Variants in SGCB observed in about 807,000 individuals in gnomAD.
SGCB encodes sarcoglycan beta, also known as beta-sarcoglycan.
A neutral mutation model predicts 27.3 loss-of-function variants in SGCB; 25 were observed. That is an observed-to-expected ratio of 0.92 (90% CI 0.67 to 1.28). The LOEUF is 1.28. SGCB is among the 50% of genes most tolerant of loss of function. The probability of loss-of-function intolerance (pLI) is 0.00; values close to 1 mark genes in which losing one functional copy is unlikely to be tolerated. For missense variants in SGCB, 436 were observed against 402.1 expected, an observed-to-expected ratio of 1.08 and a Z score of -0.72; for synonymous variants, 147 against 133.5, an observed-to-expected ratio of 1.10 and a Z score of -0.70.
intron 5 of SGCB, among the ~76,000 whole-genome samples, chr4:52,027,478 T>C (rs1737129145): frequency 6.6e-6 from 1 of 151,714 alleles, no homozygotes; most frequent in African/African-American, 2.4e-5. Flanking sequence ...TTGTTTTTTT[T>C]CACATCATTG....
chr4:52,030,848 T>C (rs999392345), intron 2 of SGCB, among the ~76,000 whole-genome samples: 4 of 152,176 alleles, frequency 2.6e-5, no homozygotes, highest in African/African-American at 7.2e-5. Flanking sequence ...GAAGTAAAAT[T>C]TTTTGGAAAG....
At chr4:52,037,428 AC>A (rs1184795620) in intron 1 of SGCB, among the ~76,000 whole-genome samples, 1 of 152,208 alleles carries the variant, frequency 6.6e-6, no homozygotes, top group Non-Finnish European at 1.5e-5. Flanking sequence ...TTAGAATGAG[AC>A]TTTTTAAAGA....
At position 52,028,714 on chromosome 4, in the gene SGCB, A is replaced by G. The variant is rs745478592; in HGVS notation, c.621+16T>C. 2 of 1,571,634 alleles carry G rather than the reference A, an allele frequency of 1.3e-6. No individual in the cohort carries two copies. Among genetic ancestry groups the G allele is most frequent in the Admixed American group, 1.7e-5 (1 of 59,958 alleles). On this transcript the variant is annotated intron_variant, in intron 4 of 5. Transcript: ENST00000381431. ...TAATTCTCTCCCATTAGTAAAACAA[A>G]GCCAATAAATCATACCCTTTCAGTA...
intron 5 of SGCB, among the ~76,000 whole-genome samples, chr4:52,025,988 TAAGC>T (rs796935791): frequency 8.5e-5 from 13 of 152,288 alleles, no homozygotes; most frequent in African/African-American, 3.1e-4. Context: ...TGGATAATGT[TAAGC>T]AGGCAGCTAG....
chr4:52,029,053 C>T (rs1002958589), intron 3 of SGCB, 132 bp from the exon 4 acceptor site: 5 of 663,062 alleles, frequency 7.5e-6, no homozygotes, highest in South Asian at 1.8e-5. Context: ...ACTTCAAATA[C>T]GTTTAACTCT....
chr4:52,028,219 G>A, intron 4 of SGCB, 120 bp from the exon 5 acceptor site: 2 of 760,960 alleles, frequency 2.6e-6, no homozygotes, highest in Non-Finnish European at 4.3e-6. Context: ...TTCTATTAAT[G>A]TTTTAGAGAT....
At chr4:52,034,660 T>A (rs1207016420) in intron 1 of SGCB, among the ~76,000 whole-genome samples, 3 of 152,124 alleles carry the variant, frequency 2.0e-5, no homozygotes, top group African/African-American at 7.2e-5. Flanking sequence ...TTTTCATTTA[T>A]ATGAAAATAA....
Position 52,033,295 on chromosome 4 carries a change from T to A in SGCB, c.243+136A>T, listed in dbSNP as rs184077685. Reference sequence around the variant, plus strand: ...GAAAATATTAGCACACTAGTTTTTTTAATAAAGTATTCATTAAAATTCAGT... The same window carrying A: ...GAAAATATTAGCACACTAGTTTTTTAAATAAAGTATTCATTAAAATTCAGT... On this transcript the variant is annotated intron_variant, in intron 2 of 5. Transcript: ENST00000381431. 3.5e-4 allele frequency: 235 copies of A among 663,306 alleles called. No individual in the cohort carries two copies. The African/African-American group carries it at 3.6e-3, about 10-fold the overall frequency. 41.1% of individuals were successfully genotyped at this position (663,306 alleles called of 1,614,324 possible). A position where few individuals can be genotyped will look rare whatever the true frequency, so the allele number is the denominator to read the frequency against.
intron 2 of SGCB, among the ~76,000 whole-genome samples, chr4:52,032,125 T>C (rs1737264549): frequency 6.6e-6 from 1 of 152,104 alleles, no homozygotes; most frequent in Non-Finnish European, 1.5e-5. Context: ...TTGTATGACA[T>C]TAGGAGGGGT....
At position 52,022,162 on chromosome 4, in the gene SGCB, TATAA is replaced by T. The variant is rs766879268; in HGVS notation, c.*1791_*1794del. The stretch of plus-strand genomic sequence containing the variant: ...ATCACTGCAATAACACTCAAGTGGT[TATAA>T]ATCTCATTCTTTTCATTTAAAAACA... On this transcript the variant is annotated 3_prime_UTR_variant, in exon 6 of 6. Coordinates refer to ENST00000381431, the MANE Select transcript of SGCB (RefSeq NM_000232.5). 1.1e-4 allele frequency: 16 copies of T among 152,232 alleles called. No homozygotes were observed. Among genetic ancestry groups the T allele is most frequent in the Non-Finnish European group, 2.4e-4 (16 of 68,028 alleles). 9.4% of individuals were successfully genotyped at this position (152,232 alleles called of 1,614,324 possible).
Position 52,033,511 on chromosome 4 carries a change from T to C in SGCB, c.163A>G (p.Thr55Ala). The C allele has an allele frequency of 6.2e-7, 1 of 1,613,840 alleles. No individual in the cohort carries two copies. Among genetic ancestry groups the C allele is most frequent in the Non-Finnish European group, 8.5e-7 (1 of 1,179,758 alleles). ...IPIDEDRLHK[T>A]GLRGRKGNLA... ...TTGCCCTTTCTTCCTCTCAACCCTG[T>C]TTTGTGGAGACGATCTTCATCAATC... Residue 55 changes from threonine to alanine, a missense_variant, in exon 2 of 6, where the codon ACA (threonine) becomes GCA (alanine). Transcript: ENST00000381431.
intron 4 of SGCB, 30 bp from the exon 5 acceptor site, chr4:52,028,129 G>T: frequency 6.4e-7 from 1 of 1,552,328 alleles, no homozygotes; most frequent in South Asian, 1.1e-5. Flanking sequence ...GTACTAAAAA[G>T]AGTTTCTAAA....
chr4:52,028,623 G>C (rs549265282), intron 4 of SGCB, 107 bp downstream of exon 4: 1 of 881,878 alleles, frequency 1.1e-6, no homozygotes, highest in Non-Finnish European at 1.8e-6. Flanking sequence ...GCGACAGAGC[G>C]AAACTCCGTC....
chr4:52,027,642 AAGAG>A (rs1737133700), intron 5 of SGCB, among the ~76,000 whole-genome samples: 1 of 151,038 alleles, frequency 6.6e-6, no homozygotes, highest in African/African-American at 2.4e-5. Flanking sequence ...CAAAAAAAAA[AAGAG>A]AGAAAGAAAC....
chr4:52,028,532 A>T (rs1169910821), intron 4 of SGCB, among the ~76,000 whole-genome samples, 198 bp downstream of exon 4: 1 of 151,966 alleles, frequency 6.6e-6, no homozygotes, highest in African/African-American at 2.4e-5. Flanking sequence ...GCTACACGGG[A>T]GGCTGAGGCA....
chr4:52,031,961 G>A (rs1737257227), intron 2 of SGCB: 2 of 456,038 alleles, frequency 4.4e-6, no homozygotes, highest in Non-Finnish European at 8.8e-6. Flanking sequence ...CTGCCAGGGA[G>A]CTGGAGGTGG....
At chr4:52,033,004 A>C (rs902930652) in intron 2 of SGCB, among the ~76,000 whole-genome samples, 2 of 152,234 alleles carry the variant, frequency 1.3e-5, no homozygotes, top group African/African-American at 4.8e-5. Context: ...AAAGGGTTTA[A>C]AATTTTAAAA....
rs1008848131 is a variant in SGCB at position 52,023,326 on chromosome 4, T to C, written c.*631A>G. On this transcript the variant is annotated 3_prime_UTR_variant, in exon 6 of 6. Transcript: ENST00000381431. ...TATTATTTAAAAGTTAAAGCTGAGA[T>C]GGTGTTTTAATTTCCACCACATTGT... 1 of 152,762 alleles carries C rather than the reference T, an allele frequency of 6.5e-6. No homozygotes were observed. Among genetic ancestry groups the C allele is most frequent in the African/African-American group, 2.4e-5 (1 of 41,460 alleles). The allele number at this position is 152,762 out of a possible 1,614,324, so 9.5% of individuals were successfully genotyped here.
intron 5 of SGCB, among the ~76,000 whole-genome samples, chr4:52,027,418 T>C (rs1013459526): frequency 1.3e-5 from 2 of 151,848 alleles, no homozygotes; most frequent in Non-Finnish European, 2.9e-5. Flanking sequence ...AGATTAAAAA[T>C]ACATTTTTAA....
Sources: gnomAD v4.1 joint callset for allele counts (sites outside exome capture counted in the v4.1 genomes callset) on GRCh38, gnomAD v4.1.1 for gene constraint, MANE v1.5 for transcripts, NCBI Gene and HGNC (gene_info 2026-07-23, HGNC 2026-07-21) for gene names.